The following ETNPPL variants were observed in gnomAD, a reference collection of about 807,000 sequenced individuals.
The protein encoded by ETNPPL is alanine--glyoxylate aminotransferase 2-like 1.
A neutral mutation model predicts 55.5 loss-of-function variants in ETNPPL; 30 were observed. The observed-to-expected ratio is 0.54, with a 90% CI of 0.40 to 0.73. The LOEUF (loss-of-function observed/expected upper bound fraction) is 0.73. Ranked by LOEUF, ETNPPL falls within the 30% of genes least tolerant of loss-of-function variation. The pLI is 0.00. For synonymous variants in ETNPPL, 202 were observed against 207.2 expected, an observed-to-expected ratio of 0.98 and a Z score of 0.21; for missense variants, 528 against 607.9, an observed-to-expected ratio of 0.87 and a Z score of 1.38.
chr4:108,757,558 A>G (rs1342196935), intron 3 of ETNPPL, among the ~76,000 whole-genome samples: 2 of 152,200 alleles, frequency 1.3e-5, no homozygotes, highest in African/African-American at 4.8e-5. Flanking sequence ...AGATTTCTTG[A>G]GGTCAGGAGT....
At chr4:108,743,511 A>G (rs7663958) in intron 12 of ETNPPL, among the ~76,000 whole-genome samples, 3 of 152,060 alleles carry the variant, frequency 2.0e-5, no homozygotes, top group South Asian at 2.1e-4. Context: ...AATTCTCTCT[A>G]TATATATTTT....
At chr4:108,754,114 C>G (rs138804617) in intron 5 of ETNPPL, among the ~76,000 whole-genome samples, 306 of 151,944 alleles carry the variant, frequency 2.0e-3, no homozygotes, top group African/African-American at 7.2e-3. Context: ...GCTGGGACTA[C>G]AGGCACCTGC....
chr4:108,744,714 A>ATTTTT (rs1560647930), intron 11 of ETNPPL, among the ~76,000 whole-genome samples: 1 of 132,638 alleles, frequency 7.5e-6, no homozygotes, highest in African/African-American at 3.4e-5. Context: ...GAGAAGTTGA[A>ATTTTT]ATTTTTTTTT....
At position 108,742,061 on chromosome 4, in the gene ETNPPL, T is replaced by G. The variant is rs1051347458; in HGVS notation, c.*423A>C. The G allele has an allele frequency of 1.3e-5, 2 of 152,884 alleles. No individual in the cohort carries two copies. The highest frequency in any genetic ancestry group is 4.8e-5 in the African/African-American group (2 of 41,476). 9.5% of individuals were successfully genotyped at this position (152,884 alleles called of 1,614,324 possible). A position where few individuals can be genotyped will look rare whatever the true frequency, so the allele number is the denominator to read the frequency against. ...GTAATTTTTTTTGTTTACATCATATTTTATTTTATTACAGTCAATAAATAT... is the reference window on the plus strand; with the variant it reads ...GTAATTTTTTTTGTTTACATCATATGTTATTTTATTACAGTCAATAAATAT... On this transcript the variant is annotated 3_prime_UTR_variant, in exon 13 of 13. Transcript: ENST00000296486.
At position 108,760,173 on chromosome 4, in the gene ETNPPL, G is replaced by A; in HGVS notation, c.175+15C>T. 1 of 1,511,262 alleles carries A rather than the reference G, an allele frequency of 6.6e-7. No homozygotes were observed. The allele number at this position is 1,511,262 out of a possible 1,614,324, so 93.6% of individuals were successfully genotyped here. Reference sequence around the variant, plus strand: ...GAACATTTCCTCCAAAGCACTGCAAGGACAGGACATTTACCATGGGCAACA... The same window carrying A: ...GAACATTTCCTCCAAAGCACTGCAAAGACAGGACATTTACCATGGGCAACA... On this transcript the variant is annotated intron_variant, in intron 2 of 12. Coordinates refer to ENST00000296486, the MANE Select transcript of ETNPPL (RefSeq NM_031279.4).
chr4:108,752,853 T>C (rs774899369), intron 6 of ETNPPL, 42 bp downstream of exon 6: 2 of 1,124,558 alleles, frequency 1.8e-6, no homozygotes, highest in African/African-American at 3.1e-5. Context: ...TAATCCCTTT[T>C]ATAAAAGATG....
At chr4:108,745,786 C>T (rs1017811613) in intron 11 of ETNPPL, among the ~76,000 whole-genome samples, 1 of 151,498 alleles carries the variant, frequency 6.6e-6, no homozygotes, top group Non-Finnish European at 1.5e-5. Context: ...CAGAAATTAG[C>T]CCGGCATGGT....
intron 5 of ETNPPL, among the ~76,000 whole-genome samples, chr4:108,753,630 T>A (rs961858160): frequency 6.6e-6 from 1 of 152,054 alleles, no homozygotes; most frequent in African/African-American, 2.4e-5. Context: ...TAATCCCAGC[T>A]GCTCGGGAGG....
intron 1 of ETNPPL, chr4:108,762,541 G>A: frequency 1.5e-6 from 1 of 650,244 alleles, no homozygotes; most frequent in Non-Finnish European, 2.8e-6. Context: ...TGTCTGCTAG[G>A]GCTATTGGCC....
At chr4:108,751,552 T>C (rs1191582674) in intron 6 of ETNPPL, among the ~76,000 whole-genome samples, 2 of 152,126 alleles carry the variant, frequency 1.3e-5, no homozygotes, top group African/African-American at 4.8e-5. Flanking sequence ...CAGTTAACAA[T>C]AGGAACTACA....
chr4:108,759,726 G>C (rs1235165605), intron 3 of ETNPPL, 23 bp downstream of exon 3: 1 of 1,610,952 alleles, frequency 6.2e-7, no homozygotes, highest in Admixed American at 1.7e-5. Flanking sequence ...GAATGGGGAG[G>C]GGTGGGAAAC....
intron 8 of ETNPPL, among the ~76,000 whole-genome samples, chr4:108,748,826 T>C (rs1345942020): frequency 2.0e-5 from 3 of 152,100 alleles, no homozygotes; most frequent in African/African-American, 4.8e-5. Context: ...CCATCTATCA[T>C]TGGAAAAATT....
chr4:108,742,739 C>A (rs1728280398), intron 12 of ETNPPL, 127 bp from the exon 13 acceptor site: 3 of 946,484 alleles, frequency 3.2e-6, no homozygotes, highest in East Asian at 4.9e-5. Context: ...ACTGCTTGCT[C>A]CTTTCTAACC....
chr4:108,755,818 C>T (rs528234235), intron 4 of ETNPPL, among the ~76,000 whole-genome samples: 55 of 140,630 alleles, frequency 3.9e-4, no homozygotes, highest in African/African-American at 1.5e-3. Context: ...GAGACTCCGT[C>T]TCAAAACAAA....
Position 108,754,659 on chromosome 4 carries a change from A to G in ETNPPL, c.462T>C (p.Phe154=). 3 of 1,600,676 alleles carry G rather than the reference A, an allele frequency of 1.9e-6. No individual in the cohort carries two copies. The highest frequency in any genetic ancestry group is 2.6e-6 in the Non-Finnish European group (3 of 1,169,310). Residue 154 remains phenylalanine (F), a synonymous_variant, in exon 5 of 13, where the codon TTT becomes TTC. Coordinates refer to ENST00000296486, the MANE Select transcript of ETNPPL (RefSeq NM_031279.4). The part of the protein sequence containing the change: ...SSLIEISPYK[F]QKGKDVKKEF... ...CTTTTTTGACATCTTTTCCTTTCTG[A>G]AACTTATATGGGCTAATCTCAATTA...
intron 1 of ETNPPL, among the ~76,000 whole-genome samples, chr4:108,760,887 C>T (rs1299461203): frequency 3.3e-5 from 5 of 152,114 alleles, no homozygotes; most frequent in Non-Finnish European, 7.4e-5. Flanking sequence ...ATCTCTGTTT[C>T]CCCTTCAATC....
chr4:108,743,957 G>C, intron 11 of ETNPPL, 101 bp from the exon 12 acceptor site: 1 of 761,776 alleles, frequency 1.3e-6, no homozygotes, highest in Non-Finnish European at 2.3e-6. Flanking sequence ...AGAATGGAAG[G>C]AAATGTTATG....
chr4:108,756,153 A>G (rs535463597), intron 4 of ETNPPL, among the ~76,000 whole-genome samples: 1 of 152,338 alleles, frequency 6.6e-6, no homozygotes, highest in South Asian at 2.1e-4. Context: ...AAAGTAATCC[A>G]TGATTCATGC....
chr4:108,753,834 AATT>A (rs1729065405), intron 5 of ETNPPL, among the ~76,000 whole-genome samples: 1 of 150,286 alleles, frequency 6.7e-6, no homozygotes, highest in Non-Finnish European at 1.5e-5. Flanking sequence ...GAAAAAAAGA[AATT>A]ATACTGTTCC....
Sources: allele counts gnomAD v4.1 joint callset (sites outside exome capture counted in the v4.1 genomes callset), GRCh38; gene constraint gnomAD v4.1.1; transcripts MANE v1.5; gene names NCBI Gene and HGNC (gene_info 2026-07-23, HGNC 2026-07-21).